Variants in KIAA1671 observed in about 807,000 individuals in gnomAD.
KIAA1671 encodes the protein KIAA1671.
In KIAA1671, 52 loss-of-function variants were observed where a neutral mutation model predicts 131.2. The observed-to-expected ratio is 0.40, with a 90% CI of 0.32 to 0.50. The LOEUF is 0.50. Ranked by LOEUF, KIAA1671 falls within the 20% of genes least tolerant of loss-of-function variation. KIAA1671 has a pLI of 0.73. For synonymous variants in KIAA1671, 1,003 were observed against 961.6 expected (o/e 1.04, Z -0.80); for missense variants, 2,360 against 2,364.2 (o/e 1.00, Z 0.04).
At position 25,048,503 on chromosome 22, in the gene KIAA1671, C is replaced by T. The variant is rs28570013; in HGVS notation, c.4396-727C>T. Among the ~76,000 whole-genome samples the T allele has an allele frequency of 5.3e-3, 802 of 152,280 alleles. 7 individuals carry two copies. The highest frequency in any genetic ancestry group is 9.1e-3 in the Non-Finnish European group (617 of 68,022). ...GGGAAGGGATTAGAAATCCAGTCTT[C>T]CTCTTCCTGGTGCTGTGTGTTCTTA... On this transcript the variant is annotated intron_variant, in intron 5 of 12. Coordinates refer to ENST00000358431, the MANE Select transcript of KIAA1671 (RefSeq NM_001145206.2).
intron 1 of KIAA1671, among the ~76,000 whole-genome samples, chr22:24,968,050 C>A (rs1922399444): frequency 6.6e-6 from 1 of 152,050 alleles, no homozygotes; most frequent in Non-Finnish European, 1.5e-5. Context: ...CAGTAGACCA[C>A]CTTCTTCTTG....
intron 6 of KIAA1671, among the ~76,000 whole-genome samples, chr22:25,144,745 C>T (rs966512499): frequency 6.6e-6 from 1 of 152,166 alleles, no homozygotes; most frequent in South Asian, 2.1e-4. Context: ...CCCAGGGCCC[C>T]ACTCCCAGGC....
At chr22:24,953,498 C>T (rs542844602) in intron 1 of KIAA1671, among the ~76,000 whole-genome samples, 1 of 152,042 alleles carries the variant, frequency 6.6e-6, no homozygotes, top group African/African-American at 2.4e-5. Context: ...CTGCGCCCCC[C>T]CTCCGCTCGT....
intron 1 of KIAA1671, among the ~76,000 whole-genome samples, chr22:25,000,816 CTT>C (rs141521196): frequency 6.9e-6 from 1 of 144,390 alleles, no homozygotes. Flanking sequence ...CTGCACCTGG[CTT>C]TTTTTTTTTT....
At chr22:24,962,183 G>A (rs2123799568) in intron 1 of KIAA1671, among the ~76,000 whole-genome samples, 2 of 152,276 alleles carry the variant, frequency 1.3e-5, no homozygotes, top group South Asian at 4.1e-4. Flanking sequence ...AGAACGCAGC[G>A]ACGCCAAGGT....
intron 1 of KIAA1671, among the ~76,000 whole-genome samples, chr22:24,995,386 T>C (rs977054935): frequency 2.3e-4 from 33 of 144,314 alleles, no homozygotes; most frequent in African/African-American, 7.0e-4. Flanking sequence ...AGGGGCAGGG[T>C]CTCACTCTCG....
intron 6 of KIAA1671, among the ~76,000 whole-genome samples, chr22:25,150,710 C>T (rs548286579): frequency 6.6e-5 from 10 of 152,310 alleles, no homozygotes; most frequent in African/African-American, 2.4e-4. Context: ...AATGCCAGCT[C>T]TCATGGCGGT....
chr22:25,032,582 T>C (rs922843707), intron 3 of KIAA1671, 27 bp from the exon 4 acceptor site: 24 of 1,465,056 alleles, frequency 1.6e-5, no homozygotes, highest in Middle Eastern at 1.7e-4. Context: ...TCCAGCTCCA[T>C]GAAGGTAACT....
intron 1 of KIAA1671, among the ~76,000 whole-genome samples, chr22:25,020,895 G>A (rs1297577021): frequency 6.6e-6 from 1 of 152,128 alleles, no homozygotes; most frequent in Non-Finnish European, 1.5e-5. Flanking sequence ...GGATCCTGTA[G>A]GGCCTCGGGG....
chr22:25,071,914 G>A (rs1928851379), intron 6 of KIAA1671, among the ~76,000 whole-genome samples: 1 of 152,176 alleles, frequency 6.6e-6, no homozygotes, highest in African/African-American at 2.4e-5. Context: ...TTTGCTCAAG[G>A]AACTGAAACA....
intron 1 of KIAA1671, among the ~76,000 whole-genome samples, chr22:24,979,008 T>C (rs1373049521): frequency 1.4e-5 from 2 of 147,514 alleles, no homozygotes; most frequent in African/African-American, 2.5e-5. Flanking sequence ...ATTTTTTTTT[T>C]TTTTTGAGAC....
chr22:25,193,141 A>G lies in KIAA1671; in HGVS notation c.*740A>G, dbSNP rs1934722725. On this transcript the variant is annotated 3_prime_UTR_variant, in exon 13 of 13. Transcript: ENST00000358431. The stretch of plus-strand genomic sequence containing the variant: ...TGATAGGTATATATGTGTTTACGTT[A>G]AAGGACAGGAGGAAAGATGTGCGAA... The G allele has an allele frequency of 1.3e-5, 2 of 152,218 alleles. No individual in the cohort carries two copies. The highest frequency in any genetic ancestry group is 4.8e-5 in the African/African-American group (2 of 41,460). The allele number at this position is 152,218 out of a possible 1,614,324, so 9.4% of individuals were successfully genotyped here.
chr22:25,173,259 G>C (rs1345866065), intron 7 of KIAA1671, among the ~76,000 whole-genome samples: 1 of 151,888 alleles, frequency 6.6e-6, no homozygotes, highest in African/African-American at 2.4e-5. Flanking sequence ...AATTCGACAT[G>C]AGATTTAGTT....
At chr22:25,014,065 C>G (rs927318807) in intron 1 of KIAA1671, 7 of 152,136 alleles carry the variant, frequency 4.6e-5, no homozygotes, top group Admixed American at 4.6e-4. Flanking sequence ...CACTTCTAGG[C>G]AAAATTTCAC....
In KIAA1671 at chr22:25,028,227, C is replaced by G; in HGVS notation, c.228C>G (p.Asp76Glu). The G allele has an allele frequency of 1.9e-6, 3 of 1,551,422 alleles. No individual in the cohort carries two copies. Among genetic ancestry groups the G allele is most frequent in the Admixed American group, 3.9e-5 (2 of 50,980 alleles). ...LAPKPFSKEQ[D>E]VKSPVPSLRP... ...CCAAACCCTTCTCGAAGGAGCAGGA[C>G]GTGAAATCTCCTGTCCCGTCTCTGC... Residue 76 changes from aspartate (D) to glutamate (E), a missense_variant, in exon 3 of 13, where the codon GAC becomes GAG. By Grantham distance (45) the Asp-to-Glu change is conservative. This residue lies in a region of KIAA1671 where 1,185 missense variants were observed against 1,126.2 expected (regional missense o/e 1.05). Coordinates refer to ENST00000358431, the MANE Select transcript of KIAA1671 (RefSeq NM_001145206.2).
chr22:25,182,276 C>T (rs1201133472), intron 10 of KIAA1671, among the ~76,000 whole-genome samples: 1 of 151,432 alleles, frequency 6.6e-6, no homozygotes, highest in Non-Finnish European at 1.5e-5. Context: ...CCTTCTTCCT[C>T]CCTCCCTTCC....
chr22:25,046,335 G>C (rs1015914088), intron 5 of KIAA1671, among the ~76,000 whole-genome samples: 19 of 115,862 alleles, frequency 1.6e-4, no homozygotes, highest in African/African-American at 5.4e-4. Context: ...AAAGAAACAA[G>C]GTTGGTTCCT....
chr22:25,116,060 G>A (rs751344743), intron 6 of KIAA1671, among the ~76,000 whole-genome samples: 23 of 152,164 alleles, frequency 1.5e-4, no homozygotes, highest in Non-Finnish European at 2.6e-4. Flanking sequence ...ACAGGCATGA[G>A]CCACTGTGCC....
At chr22:24,994,430 T>A (rs367868223) in intron 1 of KIAA1671, among the ~76,000 whole-genome samples, 6 of 152,174 alleles carry the variant, frequency 3.9e-5, no homozygotes, top group African/African-American at 1.4e-4. Flanking sequence ...CTATAGAACA[T>A]GCCATTAAAT....
Sources: allele counts gnomAD v4.1 joint callset (sites outside exome capture counted in the v4.1 genomes callset), GRCh38; gene constraint gnomAD v4.1.1; regional missense constraint gnomAD v4.1.1; transcripts MANE v1.5; gene names NCBI Gene and HGNC (gene_info 2026-07-23, HGNC 2026-07-21).